HUNK: variants seen among roughly 807,000 people sequenced by gnomAD.
HUNK encodes hormonally up-regulated Neu-associated kinase, also known as hormonally up-regulated neu tumor-associated kinase.
In HUNK, 21 loss-of-function variants were observed where a neutral mutation model predicts 61.0. The observed-to-expected ratio is 0.34, with a 90% confidence interval of 0.24 to 0.50. The LOEUF is 0.50. Ranked by LOEUF, HUNK falls within the 20% of genes least tolerant of loss-of-function variation. HUNK has a pLI of 0.98. For missense variants in HUNK, 772 were observed against 945.7 expected (o/e 0.82, Z 2.41); for synonymous variants, 371 against 386.1 (o/e 0.96, Z 0.46).
intron 8 of HUNK, among the ~76,000 whole-genome samples, chr21:31,986,113 C>G (rs1487209720): frequency 3.3e-5 from 5 of 152,090 alleles, no homozygotes; most frequent in African/African-American, 1.2e-4. Context: ...ACTCTAGACC[C>G]CTCTGGCCAG....
At chr21:31,941,399 C>G (rs564986645) in intron 3 of HUNK, among the ~76,000 whole-genome samples, 1 of 151,222 alleles carries the variant, frequency 6.6e-6, no homozygotes, top group African/African-American at 2.4e-5. Context: ...CTCTGCCTCC[C>G]GGGTTCAAGC....
At chr21:31,902,452 G>C (rs2052475303) in intron 1 of HUNK, among the ~76,000 whole-genome samples, 1 of 152,166 alleles carries the variant, frequency 6.6e-6, no homozygotes, top group South Asian at 2.1e-4. Flanking sequence ...GGAGGTTGCG[G>C]TGAGCCAAGA....
intron 6 of HUNK, 115 bp downstream of exon 6, chr21:31,968,500 T>G: frequency 8.1e-7 from 1 of 1,240,534 alleles, no homozygotes; most frequent in Admixed American, 2.1e-5. Context: ...CGCTCTCTCT[T>G]GGCTATCTCC....
intron 2 of HUNK, among the ~76,000 whole-genome samples, chr21:31,937,028 T>C (rs2052737263): frequency 6.6e-6 from 1 of 152,218 alleles, no homozygotes; most frequent in Non-Finnish European, 1.5e-5. Flanking sequence ...GTACTGCTGT[T>C]TATAATCAGG....
intron 10 of HUNK, among the ~76,000 whole-genome samples, chr21:31,996,868 C>T (rs2053209517): frequency 6.6e-6 from 1 of 152,198 alleles, no homozygotes; most frequent in Non-Finnish European, 1.5e-5. Context: ...CCCACTTTGC[C>T]CAAAGCAACC....
intron 3 of HUNK, among the ~76,000 whole-genome samples, chr21:31,944,046 C>T (rs2052785934): frequency 6.6e-6 from 1 of 152,172 alleles, no homozygotes; most frequent in African/African-American, 2.4e-5. Flanking sequence ...TCAAACAACC[C>T]TCCAATTTAA....
intron 5 of HUNK, among the ~76,000 whole-genome samples, chr21:31,960,314 AT>A (rs2052918357): frequency 6.6e-6 from 1 of 152,096 alleles, no homozygotes; most frequent in Non-Finnish European, 1.5e-5. Flanking sequence ...CATGTGTGGT[AT>A]TTGGTAATGT....
chr21:31,898,558 C>T lies in HUNK; in HGVS notation c.261+24623C>T, dbSNP rs550879421. The stretch of plus-strand genomic sequence containing the variant: ...CTGGGATTACAAGCATGAGCCACCA[C>T]GCCCGGCCGTGGATTTTTTATTAGG... On this transcript the variant is annotated intron_variant, in intron 1 of 10. Coordinates refer to ENST00000270112, the MANE Select transcript of HUNK (RefSeq NM_014586.2). Among the ~76,000 whole-genome samples, 17 of 152,316 alleles carry T rather than the reference C, an allele frequency of 1.1e-4. No individual in the cohort carries two copies. In the East Asian group the frequency reaches 2.1e-3, roughly 19 times the overall value.
intron 5 of HUNK, among the ~76,000 whole-genome samples, chr21:31,965,739 T>C (rs1469953117): frequency 6.6e-6 from 1 of 151,770 alleles, no homozygotes; most frequent in African/African-American, 2.4e-5. Context: ...GTAGCTGGGA[T>C]TACAGGCATG....
intron 1 of HUNK, among the ~76,000 whole-genome samples, chr21:31,894,132 C>A (rs1356455694): frequency 6.6e-6 from 1 of 152,182 alleles, no homozygotes; most frequent in Admixed American, 6.5e-5. Flanking sequence ...GACAGGAATG[C>A]TTCTTGAATT....
intron 7 of HUNK, among the ~76,000 whole-genome samples, chr21:31,976,614 G>A (rs1304199696): frequency 6.6e-6 from 1 of 151,148 alleles, no homozygotes; most frequent in Admixed American, 6.6e-5. Context: ...CCACAGGCAC[G>A]TGCCACCACG....
rs571875959 is a variant in HUNK, at chr21:31,953,216, G to C, written c.747-5627G>C. On this transcript the variant is annotated intron_variant, in intron 4 of 10. Coordinates refer to ENST00000270112, the MANE Select transcript of HUNK (RefSeq NM_014586.2). ...TTTTTAAAATCTCCTAGCTAGGAGT[G>C]TTTGACTGTTCACATAGGTTTCCAT... Among the ~76,000 whole-genome samples the C allele has an allele frequency of 2.0e-5, 3 of 150,750 alleles. No homozygotes were observed. The East Asian group carries it at 5.8e-4, about 29-fold the overall frequency.
intron 2 of HUNK, among the ~76,000 whole-genome samples, chr21:31,933,060 C>A (rs899661085): frequency 5.3e-5 from 8 of 151,902 alleles, no homozygotes; most frequent in African/African-American, 1.9e-4. Flanking sequence ...AGACTACAGG[C>A]GCCCATCACC....
intron 1 of HUNK, among the ~76,000 whole-genome samples, chr21:31,876,064 C>T (rs1414419567): frequency 6.6e-6 from 1 of 152,202 alleles, no homozygotes; most frequent in Non-Finnish European, 1.5e-5. Context: ...TGAAGAGACT[C>T]GCTGCTTCCC....
chr21:31,924,817 G>T lies in HUNK; in HGVS notation c.554+57G>T. The T allele has an allele frequency of 7.0e-7, 1 of 1,432,248 alleles. No homozygotes were observed. The highest frequency in any genetic ancestry group is 9.5e-7 in the Non-Finnish European group (1 of 1,054,796). The allele number at this position is 1,432,248 out of a possible 1,614,324, so 88.7% of individuals were successfully genotyped here. A position where few individuals can be genotyped will look rare whatever the true frequency, so the allele number is the denominator to read the frequency against. Reference sequence around the variant, plus strand: ...CTGTGTGCTCCGTGGGTGGCACTGGGCTGTGGCACCCTCTGAGCCTCTGAG... The same window carrying T: ...CTGTGTGCTCCGTGGGTGGCACTGGTCTGTGGCACCCTCTGAGCCTCTGAG... On this transcript the variant is annotated intron_variant, in intron 2 of 10. Coordinates refer to ENST00000270112, the MANE Select transcript of HUNK (RefSeq NM_014586.2). This position sits in a 1 kb window ranked among gnomAD's most constrained non-coding sequence, Gnocchi z 5.1.
At chr21:31,907,254 C>T (rs9982597) in intron 1 of HUNK, among the ~76,000 whole-genome samples, 88,855 of 151,946 alleles carry the variant, frequency 0.58, 26,611 homozygotes, top group Non-Finnish European at 0.63. Flanking sequence ...GATCTCAAGA[C>T]GTCATAGTAT....
chr21:31,982,766 TTGTGTGTG>T (rs71193168), intron 7 of HUNK, among the ~76,000 whole-genome samples: 85 of 150,668 alleles, frequency 5.6e-4, no homozygotes, highest in Non-Finnish European at 1.2e-3. Flanking sequence ...ACATGTGTGT[TTGTGTGTG>T]TGTGTGTGTG....
At chr21:31,908,770 A>G (rs867446646) in intron 1 of HUNK, among the ~76,000 whole-genome samples, 2 of 151,988 alleles carry the variant, frequency 1.3e-5, no homozygotes, top group African/African-American at 4.8e-5. Context: ...GCGGAGTTAC[A>G]CTCTGGATGA....
intron 10 of HUNK, 137 bp from the exon 11 acceptor site, chr21:31,998,389 A>G: frequency 1.3e-6 from 1 of 798,040 alleles, no homozygotes; most frequent in Non-Finnish European, 2.0e-6. Flanking sequence ...CAAAGTAGCC[A>G]AGGCTGTTTG....
Sources: gnomAD v4.1 joint callset for allele counts (sites outside exome capture counted in the v4.1 genomes callset) on GRCh38, gnomAD v4.1.1 for gene constraint, Gnocchi (gnomAD v3.1) non-coding constraint, MANE v1.5 for transcripts, NCBI Gene and HGNC (gene_info 2026-07-23, HGNC 2026-07-21) for gene names.